The following NKAIN2 variants were observed in gnomAD, a reference collection of about 807,000 sequenced individuals.
NKAIN2 encodes sodium/potassium transporting ATPase interacting 2.
A neutral mutation model predicts 32.6 loss-of-function variants in NKAIN2; 14 were observed. That is an observed-to-expected ratio of 0.43 (90% CI 0.28 to 0.67). NKAIN2 has a LOEUF of 0.67. Ranked by LOEUF, NKAIN2 falls within the 30% of genes least tolerant of loss-of-function variation. The pLI is 0.17. For missense variants in NKAIN2, 198 were observed against 258.3 expected (o/e 0.77, Z 1.60); for synonymous variants, 80 against 87.2 (o/e 0.92, Z 0.46).
intron 1 of NKAIN2, among the ~76,000 whole-genome samples, chr6:123,919,557 G>A (rs573428853): frequency 6.6e-6 from 1 of 152,154 alleles, no homozygotes; most frequent in South Asian, 2.1e-4. Flanking sequence ...TACTGCAAAG[G>A]CAAGGTTCAT....
intron 4 of NKAIN2, among the ~76,000 whole-genome samples, chr6:124,681,985 A>C (rs961900398): frequency 6.6e-6 from 1 of 152,052 alleles, no homozygotes; most frequent in Non-Finnish European, 1.5e-5. Flanking sequence ...AGGCAAGAGA[A>C]GGGTGAGAAA....
intron 1 of NKAIN2, among the ~76,000 whole-genome samples, chr6:124,015,754 C>G (rs928842817): frequency 5.9e-5 from 9 of 152,144 alleles, no homozygotes; most frequent in Non-Finnish European, 1.2e-4. Flanking sequence ...ACTTTATACG[C>G]TCATATAAGA....
intron 1 of NKAIN2, among the ~76,000 whole-genome samples, chr6:124,279,091 C>G (rs1795176365): frequency 6.6e-6 from 1 of 151,902 alleles, no homozygotes; most frequent in Non-Finnish European, 1.5e-5. Flanking sequence ...CAGATATATG[C>G]CTATATGCTC....
intron 4 of NKAIN2, among the ~76,000 whole-genome samples, chr6:124,767,353 A>G (rs1250908379): frequency 6.6e-6 from 1 of 152,064 alleles, no homozygotes; most frequent in Non-Finnish European, 1.5e-5. Context: ...TAAATGACTG[A>G]CAGGTAACCA....
intron 3 of NKAIN2, among the ~76,000 whole-genome samples, chr6:124,488,859 G>C (rs1418887305): frequency 1.3e-5 from 2 of 151,806 alleles, no homozygotes; most frequent in Non-Finnish European, 2.9e-5. Flanking sequence ...AGTATGTGAT[G>C]GTTTCCCCAG....
At chr6:123,935,069 C>CTA (rs1196557514) in intron 1 of NKAIN2, among the ~76,000 whole-genome samples, 2 of 141,254 alleles carry the variant, frequency 1.4e-5, no homozygotes, top group African/African-American at 2.6e-5. Context: ...ATATATATTT[C>CTA]TATATATATA....
At chr6:124,391,440 G>A (rs1297663404) in intron 3 of NKAIN2, among the ~76,000 whole-genome samples, 2 of 152,086 alleles carry the variant, frequency 1.3e-5, no homozygotes, top group African/African-American at 2.4e-5. Flanking sequence ...ACCAGGGCCT[G>A]ACACAGAGTA....
At chr6:124,708,158 G>A (rs1427865064) in intron 4 of NKAIN2, among the ~76,000 whole-genome samples, 1 of 145,794 alleles carries the variant, frequency 6.9e-6, no homozygotes, top group Non-Finnish European at 1.5e-5. Flanking sequence ...TTGTAGATAT[G>A]CGGCATTATT....
intron 1 of NKAIN2, among the ~76,000 whole-genome samples, chr6:124,213,823 A>G (rs1186551520): frequency 6.6e-6 from 1 of 152,174 alleles, no homozygotes; most frequent in Non-Finnish European, 1.5e-5. Flanking sequence ...CTGTGGTTGC[A>G]TAGGATGAAC....
At chr6:123,876,955 A>G (rs1334936641) in intron 1 of NKAIN2, among the ~76,000 whole-genome samples, 1 of 152,196 alleles carries the variant, frequency 6.6e-6, no homozygotes, top group Non-Finnish European at 1.5e-5. Context: ...TTAAATATAT[A>G]ACTTTTTTCA....
intron 2 of NKAIN2, among the ~76,000 whole-genome samples, chr6:124,324,812 C>G (rs1277153302): frequency 1.3e-5 from 2 of 151,964 alleles, no homozygotes; most frequent in Non-Finnish European, 2.9e-5. Context: ...GTTTTTTCTA[C>G]ATCAAATGAT....
At chr6:124,376,203 C>T (rs1294911673) in intron 3 of NKAIN2, among the ~76,000 whole-genome samples, 1 of 152,128 alleles carries the variant, frequency 6.6e-6, no homozygotes. Flanking sequence ...ATCATATCCA[C>T]TTCCTTTCAG....
At chr6:124,065,325 G>T (rs1482803823) in intron 1 of NKAIN2, among the ~76,000 whole-genome samples, 2 of 151,946 alleles carry the variant, frequency 1.3e-5, no homozygotes, top group Non-Finnish European at 2.9e-5. Flanking sequence ...TATGTGACAT[G>T]CACGCACTGC....
At position 124,263,887 on chromosome 6, in the gene NKAIN2, C is replaced by A. The variant is rs1027536273; in HGVS notation, c.55-19118C>A. Among the ~76,000 whole-genome samples, 6 of 152,194 alleles carry A rather than the reference C, an allele frequency of 3.9e-5. No homozygotes were observed. In the South Asian group the frequency reaches 1.2e-3, roughly 32 times the overall value. On this transcript the variant is annotated intron_variant, in intron 1 of 6. Transcript: ENST00000368417. ...TCAGAACCATCTGTGCTTTATCAAG[C>A]AATCTATATGGGTGAGTTTCTGATG... is the stretch of plus-strand genomic sequence containing the variant.
At chr6:123,824,113 A>G (rs543388072) in intron 1 of NKAIN2, among the ~76,000 whole-genome samples, 1 of 152,272 alleles carries the variant, frequency 6.6e-6, no homozygotes, top group East Asian at 1.9e-4. Context: ...TCATTTAGGA[A>G]GCACTTTTGA....
intron 1 of NKAIN2, among the ~76,000 whole-genome samples, chr6:123,851,309 G>A (rs937198647): frequency 7.8e-6 from 1 of 127,678 alleles, no homozygotes; most frequent in Non-Finnish European, 1.6e-5. Flanking sequence ...GAGTGCAATG[G>A]TGCAATCTCG....
At chr6:123,829,846 C>A (rs1774303314) in intron 1 of NKAIN2, among the ~76,000 whole-genome samples, 1 of 152,188 alleles carries the variant, frequency 6.6e-6, no homozygotes, top group South Asian at 2.1e-4. Context: ...ATCATGCAGA[C>A]AAACAGACCA....
intron 4 of NKAIN2, among the ~76,000 whole-genome samples, chr6:124,789,793 A>G (rs780738097): frequency 6.6e-6 from 1 of 152,116 alleles, no homozygotes; most frequent in Non-Finnish European, 1.5e-5. Flanking sequence ...CTTATTGCCA[A>G]TAGTTACATA....
intron 3 of NKAIN2, among the ~76,000 whole-genome samples, chr6:124,487,306 A>G (rs766778653): frequency 5.9e-5 from 9 of 152,006 alleles, no homozygotes; most frequent in Admixed American, 1.3e-4. Context: ...AAAAGATGAG[A>G]CTCCAATTAT....
Sources: allele counts gnomAD v4.1 joint callset (sites outside exome capture counted in the v4.1 genomes callset), GRCh38; gene constraint gnomAD v4.1.1; transcripts MANE v1.5; gene names NCBI Gene and HGNC (gene_info 2026-07-23, HGNC 2026-07-21).